Variants in SYT9 observed in about 807,000 individuals in gnomAD.
The protein encoded by SYT9 is synaptotagmin 9.
SYT9 carries 22 observed loss-of-function variants against 48.4 expected under a neutral mutation model. The observed-to-expected ratio is 0.45, with a 90% CI of 0.32 to 0.65. The LOEUF (loss-of-function observed/expected upper bound fraction) is 0.65, where lower values mean the gene tolerates loss of function less well. Ranked by LOEUF, SYT9 falls within the 30% of genes least tolerant of loss-of-function variation. The pLI, the probability that SYT9 is intolerant of heterozygous loss-of-function variation, is 0.03. For synonymous variants in SYT9, 265 were observed against 245.0 expected, an observed-to-expected ratio of 1.08 and a Z score of -0.76; for missense variants, 577 against 622.0, an observed-to-expected ratio of 0.93 and a Z score of 0.77.
chr11:7,350,499 A>G (rs1211742092), intron 3 of SYT9, among the ~76,000 whole-genome samples: 1 of 152,174 alleles, frequency 6.6e-6, no homozygotes, highest in Non-Finnish European at 1.5e-5. Flanking sequence ...ACGTGCATTG[A>G]TCTGTCCTGC....
rs369450532 is a variant in SYT9, at chr11:7,335,740, A to G, written c.1044+21799A>G. On this transcript the variant is annotated intron_variant, in intron 3 of 6. Transcript: ENST00000318881. The stretch of plus-strand genomic sequence containing the variant: ...ATATGTACCACATTTTCTTTATCCA[A>G]TCTGCCGTTGATGGGCATTTAGGTT... Among the ~76,000 whole-genome samples the G allele has an allele frequency of 2.6e-4, 39 of 152,220 alleles. No individual in the cohort carries two copies. The South Asian group carries it at 6.2e-3, about 24-fold the overall frequency.
intron 3 of SYT9, among the ~76,000 whole-genome samples, chr11:7,405,281 G>A (rs1846984394): frequency 6.6e-6 from 1 of 151,996 alleles, no homozygotes; most frequent in African/African-American, 2.4e-5. Context: ...TCATCCCTGA[G>A]CTCTACCCAC....
intron 3 of SYT9, among the ~76,000 whole-genome samples, chr11:7,346,988 A>C (rs1324811210): frequency 6.6e-6 from 1 of 152,174 alleles, no homozygotes; most frequent in Non-Finnish European, 1.5e-5. Flanking sequence ...TCAAAGGACC[A>C]TTTCTGCAGG....
In SYT9 at chr11:7,313,790, T is replaced by A. The variant is rs1172023426; in HGVS notation, c.893T>A (p.Leu298His). 1 of 1,614,208 alleles carries A rather than the reference T, an allele frequency of 6.2e-7. No homozygotes were observed. The highest frequency in any genetic ancestry group is 8.5e-7 in the Non-Finnish European group (1 of 1,180,024). The change falls in exon 3 of 7, where the codon CTT (leucine) becomes CAT (histidine). Residue 298 changes from leucine to histidine, a missense_variant. By Grantham distance (99) the Leu-to-His change is moderately conservative. Coordinates refer to ENST00000318881, the MANE Select transcript of SYT9 (RefSeq NM_175733.4). Reference protein sequence around the residue: ...VFLFPVPYNDLEARKLHFSVY... With the variant: ...VFLFPVPYNDHEARKLHFSVY... Reference sequence around the variant, plus strand: ...TTATTTCCGGTTCCCTACAATGACCTTGAAGCACGGAAGCTTCACTTCTCT... The same window carrying A: ...TTATTTCCGGTTCCCTACAATGACCATGAAGCACGGAAGCTTCACTTCTCT...
At chr11:7,308,472 G>A (rs971455413) in intron 2 of SYT9, among the ~76,000 whole-genome samples, 5 of 151,066 alleles carry the variant, frequency 3.3e-5, no homozygotes, top group Non-Finnish European at 7.5e-5. Context: ...TGCAGTGGGT[G>A]TATATGAGGG....
chr11:7,259,987 TTTTC>T (rs1444878476), intron 1 of SYT9, among the ~76,000 whole-genome samples: 1 of 152,172 alleles, frequency 6.6e-6, no homozygotes, highest in Non-Finnish European at 1.5e-5. Flanking sequence ...TTGAATCTCT[TTTTC>T]TTTATGTTTT....
At chr11:7,447,145 G>A (rs949370406) in intron 6 of SYT9, among the ~76,000 whole-genome samples, 3 of 152,234 alleles carry the variant, frequency 2.0e-5, no homozygotes, top group East Asian at 1.9e-4. Context: ...CCCTCATATC[G>A]CTGATTCTCT....
intron 3 of SYT9, among the ~76,000 whole-genome samples, chr11:7,396,322 C>T (rs114000409): frequency 1.6e-3 from 246 of 152,140 alleles, no homozygotes; most frequent in African/African-American, 5.2e-3. Context: ...TATAGTGATA[C>T]GAGTGATGTA....
intron 3 of SYT9, among the ~76,000 whole-genome samples, chr11:7,394,897 G>T (rs1846718120): frequency 1.3e-5 from 2 of 152,216 alleles, no homozygotes; most frequent in South Asian, 4.1e-4. Flanking sequence ...TTGTTTCAAA[G>T]AATTTTCAAA....
intron 1 of SYT9, among the ~76,000 whole-genome samples, chr11:7,283,389 C>T (rs1437625237): frequency 6.6e-6 from 1 of 151,892 alleles, no homozygotes; most frequent in Non-Finnish European, 1.5e-5. Flanking sequence ...TCTCAGATTG[C>T]TCCACAAATA....
At chr11:7,450,707 T>C (rs1288067660) in intron 6 of SYT9, among the ~76,000 whole-genome samples, 1 of 152,232 alleles carries the variant, frequency 6.6e-6, no homozygotes, top group Non-Finnish European at 1.5e-5. Context: ...CTCTTCATTA[T>C]TTTATCATCA....
chr11:7,326,549 C>T (rs1849439414), intron 3 of SYT9, among the ~76,000 whole-genome samples: 1 of 151,456 alleles, frequency 6.6e-6, no homozygotes, highest in African/African-American at 2.4e-5. Context: ...TTTTGTTGAT[C>T]CTTTGAATTG....
chr11:7,316,251 T>C (rs1476193808), intron 3 of SYT9, among the ~76,000 whole-genome samples: 2 of 152,056 alleles, frequency 1.3e-5, no homozygotes, highest in African/African-American at 4.8e-5. Context: ...GACCCTTGAA[T>C]TGTCCTCTAT....
At chr11:7,243,793 C>A (rs1847765133) in intron 1 of SYT9, among the ~76,000 whole-genome samples, 1 of 152,170 alleles carries the variant, frequency 6.6e-6, no homozygotes, top group African/African-American at 2.4e-5. Context: ...GGATAGTCTA[C>A]AACCACTTGT....
chr11:7,386,625 G>A (rs558101177), intron 3 of SYT9, among the ~76,000 whole-genome samples: 4 of 152,264 alleles, frequency 2.6e-5, no homozygotes, highest in South Asian at 2.1e-4. Context: ...TTAGAATGGC[G>A]ATCATTAAAA....
chr11:7,453,397 C>G (rs1020510534), intron 6 of SYT9, among the ~76,000 whole-genome samples: 2 of 152,164 alleles, frequency 1.3e-5, no homozygotes, highest in African/African-American at 4.8e-5. Flanking sequence ...GTCCTGGTCT[C>G]TAGCATGCAC....
intron 3 of SYT9, among the ~76,000 whole-genome samples, chr11:7,363,180 T>C (rs977749): frequency 0.28 from 42,361 of 151,774 alleles, 6,622 homozygotes; most frequent in Non-Finnish European, 0.36. Flanking sequence ...AACTTTCTTA[T>C]TGGTGTCCTG....
chr11:7,367,308 C>G (rs1031624643), intron 3 of SYT9, among the ~76,000 whole-genome samples: 2 of 150,778 alleles, frequency 1.3e-5, no homozygotes, highest in African/African-American at 2.4e-5. Context: ...GTCTCGATCT[C>G]CTGACCTCGT....
intron 3 of SYT9, among the ~76,000 whole-genome samples, chr11:7,319,192 C>CTTTTTTTTTTTT (rs71056795): frequency 4.6e-5 from 4 of 86,182 alleles, no homozygotes; most frequent in African/African-American, 8.9e-5. Flanking sequence ...TCTTCTTTTT[C>CTTTTTTTTTTTT]TTTTTTTTTT....
Sources: allele counts gnomAD v4.1 joint callset (sites outside exome capture counted in the v4.1 genomes callset), GRCh38; gene constraint gnomAD v4.1.1; transcripts MANE v1.5; gene names NCBI Gene and HGNC (gene_info 2026-07-23, HGNC 2026-07-21).